The following KBTBD12 variants were observed in gnomAD, a reference collection of about 807,000 sequenced individuals.
KBTBD12 encodes kelch repeat and BTB domain containing 12, also known as kelch repeat and BTB domain-containing protein 12.
In KBTBD12, 53 loss-of-function variants were observed where a neutral mutation model predicts 58.7. The observed-to-expected ratio is 0.90, with a 90% confidence interval of 0.72 to 1.14. The LOEUF is 1.14. Ranked by LOEUF, KBTBD12 falls within the 50% of genes most tolerant of loss-of-function variation. KBTBD12 has a pLI of 0.00. For synonymous variants in KBTBD12, 236 were observed against 259.8 expected (o/e 0.91, Z 0.88); for missense variants, 704 against 751.3 (o/e 0.94, Z 0.74).
At chr3:127,956,622 C>T (rs1454151371) in intron 4 of KBTBD12, among the ~76,000 whole-genome samples, 1 of 152,056 alleles carries the variant, frequency 6.6e-6, no homozygotes, top group Non-Finnish European at 1.5e-5. Context: ...GTGTGAAAGC[C>T]CCACAGGACA....
intron 5 of KBTBD12, 99 bp from the exon 6 acceptor site, chr3:127,983,998 G>A: frequency 1.1e-6 from 1 of 893,112 alleles, no homozygotes. Context: ...AGTGGACTAA[G>A]ACATTGCCTT....
At chr3:127,962,371 TG>T (rs1455065857) in intron 4 of KBTBD12, among the ~76,000 whole-genome samples, 2 of 152,240 alleles carry the variant, frequency 1.3e-5, no homozygotes, top group African/African-American at 4.8e-5. Context: ...AATGGAGAGT[TG>T]TACTTAAAGT....
rs1238618664 is a variant in KBTBD12, at chr3:127,972,659, A to G, written c.1690+9273A>G. ...AGCTGATTCTAGGTTTGGAGCACAG[A>G]AATTGCAAGGTAAGGTTCAGATATC... On this transcript the variant is annotated intron_variant, in intron 5 of 5. Transcript: ENST00000405109. 4.6e-5 allele frequency among the ~76,000 whole-genome samples: 7 copies of G among 152,334 alleles called. No individual in the cohort carries two copies. The South Asian group carries it at 1.0e-3, about 23-fold the overall frequency.
At chr3:127,968,495 A>T (rs995233930) in intron 5 of KBTBD12, among the ~76,000 whole-genome samples, 5 of 152,242 alleles carry the variant, frequency 3.3e-5, no homozygotes, top group African/African-American at 1.2e-4. Context: ...ATGAATATAG[A>T]TGCAAAAATC....
At chr3:127,983,597 A>G (rs1940912950) in intron 5 of KBTBD12, among the ~76,000 whole-genome samples, 1 of 152,114 alleles carries the variant, frequency 6.6e-6, no homozygotes, top group African/African-American at 2.4e-5. Context: ...TACTAAAAAT[A>G]CAAAAATTAG....
At chr3:127,941,707 TCTC>T (rs1939953581) in intron 4 of KBTBD12, among the ~76,000 whole-genome samples, 2 of 152,088 alleles carry the variant, frequency 1.3e-5, no homozygotes, top group African/African-American at 4.8e-5. Context: ...TTCAAGCAAT[TCTC>T]CTCCCCAGCC....
chr3:127,953,612 G>A (rs779424116), intron 4 of KBTBD12, among the ~76,000 whole-genome samples: 4 of 152,162 alleles, frequency 2.6e-5, no homozygotes, highest in Non-Finnish European at 4.4e-5. Context: ...AATTTTTCTC[G>A]TGTAAATGTT....
At chr3:127,925,404 T>C (rs1939545534) in intron 2 of KBTBD12, among the ~76,000 whole-genome samples, 1 of 152,200 alleles carries the variant, frequency 6.6e-6, no homozygotes, top group African/African-American at 2.4e-5. Context: ...GGTGCCCTTC[T>C]TTCCACCTTA....
intron 5 of KBTBD12, among the ~76,000 whole-genome samples, chr3:127,972,632 A>T (rs567226360): frequency 1.9e-4 from 29 of 152,336 alleles, no homozygotes; most frequent in Admixed American, 7.8e-4. Flanking sequence ...TCTTCACAAA[A>T]TAGCTGATTC....
chr3:127,926,505 G>A (rs1939570175), intron 2 of KBTBD12, among the ~76,000 whole-genome samples: 1 of 152,132 alleles, frequency 6.6e-6, no homozygotes, highest in Non-Finnish European at 1.5e-5. Context: ...ATAGAAGACA[G>A]CCATCATAAG....
At chr3:127,954,791 T>C (rs1940287086) in intron 4 of KBTBD12, among the ~76,000 whole-genome samples, 2 of 152,212 alleles carry the variant, frequency 1.3e-5, no homozygotes, top group African/African-American at 2.4e-5. Flanking sequence ...CCACAGGGAC[T>C]GGGGGTCACT....
chr3:127,980,741 T>C (rs551399268), intron 5 of KBTBD12, among the ~76,000 whole-genome samples: 66 of 152,330 alleles, frequency 4.3e-4, no homozygotes, highest in African/African-American at 1.4e-3. Context: ...ATAAATTACA[T>C]TGAAAGACAT....
intron 5 of KBTBD12, chr3:127,963,630 A>AGTGTGTT (rs144911012): frequency 0.15 from 69,608 of 457,520 alleles, 6,354 homozygotes; most frequent in South Asian, 0.3. Context: ...ACCACCCTGA[A>AGTGTGTT]CACACCTGGT....
At position 127,930,004 on chromosome 3, in the gene KBTBD12, TGTGA is replaced by T. The variant is rs567098018; in HGVS notation, c.1342-126_1342-123del. On this transcript the variant is annotated intron_variant, in intron 3 of 5. Coordinates refer to ENST00000405109, the MANE Select transcript of KBTBD12 (RefSeq NM_207335.4). ...CCCCCGTCATGGGGTTTGGTGTGTT[TGTGA>T]GTATGAGTCACTGCAGTTAACCTCT... The T allele has an allele frequency of 1.4e-4, 100 of 737,150 alleles. 3 individuals carry two copies. The South Asian group carries it at 1.6e-3, about 12-fold the overall frequency. 45.7% of individuals were successfully genotyped at this position (737,150 alleles called of 1,614,324 possible). A position where few individuals can be genotyped will look rare whatever the true frequency, so the allele number is the denominator to read the frequency against.
At chr3:127,952,414 A>G (rs1404661257) in intron 4 of KBTBD12, among the ~76,000 whole-genome samples, 1 of 152,150 alleles carries the variant, frequency 6.6e-6, no homozygotes, top group Non-Finnish European at 1.5e-5. Context: ...ACAGGGTTTC[A>G]TGGGTTTTTT....
intron 4 of KBTBD12, among the ~76,000 whole-genome samples, chr3:127,954,984 C>T (rs1940291362): frequency 6.6e-6 from 1 of 152,226 alleles, no homozygotes; most frequent in Non-Finnish European, 1.5e-5. Context: ...TATACTCAGA[C>T]TGTCTAAGGC....
Position 127,920,819 on chromosome 3 carries a change from T to C in KBTBD12, c.-112-2131T>C, listed in dbSNP as rs150985469. On this transcript the variant is annotated intron_variant, in intron 1 of 5. Transcript: ENST00000405109. ...TCTTGTGATTTATATGCATCTTTGC[T>C]ACTCCATTTTTCTCTATTACTATGA... Among the ~76,000 whole-genome samples the C allele has an allele frequency of 8.7e-3, 1,330 of 152,198 alleles. 19 individuals are homozygous for C. Among genetic ancestry groups the C allele is most frequent in the African/African-American group, 0.029 (1,186 of 41,548 alleles).
intron 4 of KBTBD12, among the ~76,000 whole-genome samples, chr3:127,948,844 C>G (rs1405837209): frequency 1.3e-5 from 2 of 152,226 alleles, no homozygotes; most frequent in South Asian, 2.1e-4. Flanking sequence ...AAAATCATCA[C>G]AAAACAAGCA....
At chr3:127,983,518 G>T (rs1240263574) in intron 5 of KBTBD12, among the ~76,000 whole-genome samples, 1 of 152,184 alleles carries the variant, frequency 6.6e-6, no homozygotes, top group Non-Finnish European at 1.5e-5. Context: ...ACTTTGGGAG[G>T]CTGAGGCAGG....
Sources: gnomAD v4.1 joint callset for allele counts (sites outside exome capture counted in the v4.1 genomes callset) on GRCh38, gnomAD v4.1.1 for gene constraint, MANE v1.5 for transcripts, NCBI Gene and HGNC (gene_info 2026-07-23, HGNC 2026-07-21) for gene names.